The following BRD1 variants were observed in gnomAD, a reference collection of about 807,000 sequenced individuals.
BRD1 encodes the protein bromodomain-containing protein 1.
Under a neutral mutation model 107.7 loss-of-function variants are expected in BRD1, and 24 were observed. The observed-to-expected ratio is 0.22, with a 90% CI of 0.16 to 0.31. BRD1 has a LOEUF of 0.31. BRD1 is among the 10% of genes least tolerant of loss of function. The pLI, the probability that BRD1 is intolerant of heterozygous loss-of-function variation, is 1.00. For missense variants in BRD1, 1,279 were observed against 1,638.6 expected (o/e 0.78, Z 3.79); for synonymous variants, 744 against 686.1 (o/e 1.08, Z -1.32).
Position 49,823,259 on chromosome 22 carries a change from C to T in BRD1, c.1059G>A (p.Thr353=), listed in dbSNP as rs759757989. ...TGTACAGGCCAGCCTTCTGGGCACACGTCACATGGAATGCTGTGTAGCAGT... is the reference window on the plus strand; with the variant it reads ...TGTACAGGCCAGCCTTCTGGGCACATGTCACATGGAATGCTGTGTAGCAGT... ...KANCYTAFHV[T]CAQKAGLYMK... Residue 353 remains threonine, a synonymous_variant, in exon 2 of 13, where the codon ACG becomes ACA. Coordinates refer to ENST00000404760, the MANE Select transcript of BRD1 (RefSeq NM_001304808.3). The T allele has an allele frequency of 1.7e-5, 28 of 1,614,094 alleles. 1 individual carries two copies. The South Asian group carries it at 2.6e-4, about 15-fold the overall frequency.
intron 8 of BRD1, 107 bp from the exon 9 acceptor site, chr22:49,777,920 A>G: frequency 7.1e-7 from 1 of 1,400,056 alleles, no homozygotes; most frequent in East Asian, 2.6e-5. Context: ...CGTTTCACAG[A>G]CAGGTAAGAC....
chr22:49,776,991 CAGG>C (rs779435647), intron 10 of BRD1, 40 bp downstream of exon 10: 3 of 1,610,442 alleles, frequency 1.9e-6, no homozygotes, highest in South Asian at 1.1e-5. Context: ...AGACGCTAAC[CAGG>C]AGGTGTGGAG....
At chr22:49,812,412 A>C (rs1896488085) in intron 2 of BRD1, among the ~76,000 whole-genome samples, 1 of 152,214 alleles carries the variant, frequency 6.6e-6, no homozygotes, top group Non-Finnish European at 1.5e-5. Context: ...ACATTAAAGA[A>C]GTCCTAGAGA....
intron 2 of BRD1, 87 bp from the exon 3 acceptor site, chr22:49,804,447 C>G (rs564227551): frequency 2.8e-6 from 4 of 1,426,836 alleles, no homozygotes; most frequent in Middle Eastern, 1.8e-4. Flanking sequence ...CTACTGCTAA[C>G]AAAACCATGT....
intron 7 of BRD1, among the ~76,000 whole-genome samples, chr22:49,789,281 G>GT (rs1440696823): frequency 6.6e-6 from 1 of 152,198 alleles, no homozygotes; most frequent in Non-Finnish European, 1.5e-5. Flanking sequence ...AGGAAAAGGT[G>GT]TTTGTGAAAC....
intron 8 of BRD1, among the ~76,000 whole-genome samples, chr22:49,778,897 G>A (rs968402711): frequency 2.0e-5 from 3 of 152,156 alleles, no homozygotes; most frequent in Non-Finnish European, 4.4e-5. Context: ...TCCTGACCTC[G>A]TGATCCGCCT....
chr22:49,804,782 TGGA>T (rs1200244233), intron 2 of BRD1, among the ~76,000 whole-genome samples: 1 of 151,392 alleles, frequency 6.6e-6, no homozygotes, highest in African/African-American at 2.4e-5. Flanking sequence ...ACCTGGGAGG[TGGA>T]GGTTGGTGTG....
chr22:49,774,387 G>A lies in BRD1; in HGVS notation c.3416C>T (p.Pro1139Leu), dbSNP rs1183522127. 9 of 1,611,948 alleles carry A rather than the reference G, an allele frequency of 5.6e-6. No individual in the cohort carries two copies. The highest frequency in any genetic ancestry group is 3.3e-4 in the Middle Eastern group (2 of 6,060). ...WQWLPKSKMV[P>L]LGIDETIDKL... is the part of the protein sequence containing the mutation. ...GTCTATAGTTTCGTCAATACCAAGG[G>A]GAACCATTTTGGACTTAGGAAGCCA... The change falls in exon 13 of 13, where the codon CCC becomes CTC. Residue 1139 changes from proline to leucine, a missense_variant. Pro to Leu is a moderately conservative substitution (Grantham distance 98). This residue lies in a region of BRD1 where 136 missense variants were observed against 196.8 expected (regional missense o/e 0.69). Transcript: ENST00000404760.
chr22:49,788,634 G>A (rs888090712), intron 7 of BRD1, among the ~76,000 whole-genome samples: 2 of 152,198 alleles, frequency 1.3e-5, no homozygotes, highest in South Asian at 2.1e-4. Context: ...GACGGCCTGG[G>A]GCTGGTCTGT....
intron 1 of BRD1, chr22:49,826,280 A>G: frequency 1.3e-5 from 13 of 984,812 alleles, no homozygotes; most frequent in Non-Finnish European, 1.6e-5. Context: ...ACTTTCTACA[A>G]GGGGAGAACT....
At chr22:49,785,298 G>A (rs755441478) in intron 8 of BRD1, among the ~76,000 whole-genome samples, 6 of 152,216 alleles carry the variant, frequency 3.9e-5, no homozygotes, top group Non-Finnish European at 8.8e-5. Context: ...GCTGAGTGTC[G>A]ACGGGAGGCC....
chr22:49,791,131 T>C (rs1231383116), intron 7 of BRD1, among the ~76,000 whole-genome samples: 1 of 152,236 alleles, frequency 6.6e-6, no homozygotes, highest in Non-Finnish European at 1.5e-5. Flanking sequence ...TCAGACAGGC[T>C]GGAATCCCAG....
intron 11 of BRD1, 152 bp from the exon 12 acceptor site, chr22:49,775,897 T>G: frequency 1.5e-6 from 1 of 668,238 alleles, no homozygotes; most frequent in Non-Finnish European, 2.0e-6. Context: ...CCCCTGCCCC[T>G]TCCAGCTGTG....
chr22:49,782,560 C>T (rs866774129), intron 8 of BRD1, among the ~76,000 whole-genome samples: 17 of 138,294 alleles, frequency 1.2e-4, no homozygotes, highest in Admixed American at 4.3e-4. Flanking sequence ...CAAGGCCCAT[C>T]GTGCTGGGAC....
chr22:49,777,323 C>T (rs902778467), intron 9 of BRD1, among the ~76,000 whole-genome samples, 162 bp from the exon 10 acceptor site: 1 of 152,208 alleles, frequency 6.6e-6, no homozygotes, highest in Non-Finnish European at 1.5e-5. Context: ...AGGGAGTGAA[C>T]CTGTGGCAGG....
intron 8 of BRD1, among the ~76,000 whole-genome samples, chr22:49,778,494 A>G (rs981871755): frequency 4.6e-5 from 7 of 152,246 alleles, no homozygotes; most frequent in African/African-American, 1.7e-4. Flanking sequence ...ATGTTTAAAA[A>G]ATAAGGCAAA....
rs1430979719 is a variant in BRD1 at position 49,798,138 on chromosome 22, G to A, written c.1786-21C>T. 4 of 1,579,514 alleles carry A rather than the reference G, an allele frequency of 2.5e-6. No individual in the cohort carries two copies. The East Asian group carries it at 6.7e-5, about 27-fold the overall frequency. On this transcript the variant is annotated intron_variant, in intron 5 of 12. Coordinates refer to ENST00000404760, the MANE Select transcript of BRD1 (RefSeq NM_001304808.3). ...GGTACCTAATTTTAGGGAGGAAAAA[G>A]AATCATTTACAAACTAAAACAGGAT...
chr22:49,818,557 G>A, intron 2 of BRD1, among the ~76,000 whole-genome samples: 1 of 152,114 alleles, frequency 6.6e-6, no homozygotes, highest in South Asian at 2.1e-4. Flanking sequence ...TGGTGCAAAT[G>A]GAAAAGACTT....
At chr22:49,775,884 C>A in intron 11 of BRD1, 139 bp from the exon 12 acceptor site, 1 of 1,136,148 alleles carries the variant, frequency 8.8e-7, no homozygotes, top group Admixed American at 2.4e-5. Context: ...CCTCGCCGAA[C>A]CACCCCTGCC....
Sources: allele counts gnomAD v4.1 joint callset (sites outside exome capture counted in the v4.1 genomes callset), GRCh38; gene constraint gnomAD v4.1.1; regional missense constraint gnomAD v4.1.1; transcripts MANE v1.5; gene names NCBI Gene and HGNC (gene_info 2026-07-23, HGNC 2026-07-21).